Variants in CFAP221 observed in about 807,000 individuals in gnomAD.
CFAP221 encodes the protein cilia- and flagella-associated protein 221.
Under a neutral mutation model 113.1 loss-of-function variants are expected in CFAP221, and 97 were observed. The ratio of observed to expected loss-of-function variants is 0.86; its 90% confidence interval spans 0.73 to 1.02. The LOEUF is 1.02. Ranked by LOEUF, CFAP221 falls within the 50% of genes least tolerant of loss-of-function variation. The probability of loss-of-function intolerance (pLI) is 0.00; values close to 1 mark genes in which losing one functional copy is unlikely to be tolerated. For synonymous variants in CFAP221, 331 were observed against 354.4 expected (o/e 0.93, Z 0.74); for missense variants, 1,025 against 1,013.4 (o/e 1.01, Z -0.16).
rs748498705 is a variant in CFAP221 at position 119,604,862 on chromosome 2, A to G, written c.913-14A>G. The G allele has an allele frequency of 5.0e-6, 8 of 1,613,690 alleles. No individual in the cohort carries two copies. Among genetic ancestry groups the G allele is most frequent in the Non-Finnish European group, 5.9e-6 (7 of 1,179,790 alleles). ...GGCAGACTAACTGATTTCCCTATTG[A>G]TTTGGTCTCTTAGGAAATTGAGTAC... On this transcript the variant is annotated splice_polypyrimidine_tract_variant and intron_variant, in intron 9 of 23. Coordinates refer to ENST00000413369, the MANE Select transcript of CFAP221 (RefSeq NM_001271049.2).
chr2:119,614,921 A>G (rs1326771510), intron 13 of CFAP221, among the ~76,000 whole-genome samples: 2 of 152,314 alleles, frequency 1.3e-5, no homozygotes, highest in South Asian at 4.1e-4. Flanking sequence ...TGGCGCTTCC[A>G]TGGGCCATAT....
chr2:119,605,049 C>A, intron 10 of CFAP221, 62 bp downstream of exon 10: 1 of 1,524,010 alleles, frequency 6.6e-7, no homozygotes, highest in South Asian at 1.1e-5. Context: ...CATTGCTGGT[C>A]ACACTGATTA....
intron 18 of CFAP221, 37 bp from the exon 19 acceptor site, chr2:119,630,730 G>T (rs746020454): frequency 2.5e-6 from 4 of 1,605,124 alleles, no homozygotes; most frequent in Non-Finnish European, 3.4e-6. Context: ...TCTTATCCTG[G>T]CATCAAAACT....
chr2:119,620,920 T>TA lies in CFAP221; in HGVS notation c.1411-4650dup, dbSNP rs1371933684. The stretch of plus-strand genomic sequence containing the variant: ...AATATTTACCCAGCAAATGGAAAGT[T>TA]AAAAAAAAAAAAAGCAGGGGTTGGC... On this transcript the variant is annotated intron_variant, in intron 14 of 23. Transcript: ENST00000413369. Among the ~76,000 whole-genome samples, 138 of 140,306 alleles carry TA rather than the reference T, an allele frequency of 9.8e-4. 1 individual carries two copies. The highest frequency in any genetic ancestry group is 8.2e-4 in the East Asian group (4 of 4,858). 92.0% of individuals were successfully genotyped at this position (140,306 alleles called of 152,430 possible). A position where few individuals can be genotyped will look rare whatever the true frequency, so the allele number is the denominator to read the frequency against.
chr2:119,632,496 A>G lies in CFAP221; in HGVS notation c.1974+1595A>G, dbSNP rs371352257. ...AGAAGGGAACTTCCTCAACCAAATA[A>G]TGGTCATCTATTTAAAACCTAGAGC... On this transcript the variant is annotated intron_variant, in intron 19 of 23. Coordinates refer to ENST00000413369, the MANE Select transcript of CFAP221 (RefSeq NM_001271049.2). Among the ~76,000 whole-genome samples, 16 of 152,272 alleles carry G rather than the reference A, an allele frequency of 1.1e-4. No homozygotes were observed. In the East Asian group the frequency reaches 2.9e-3, roughly 27 times the overall value.
At chr2:119,565,044 A>G (rs538858121) in intron 6 of CFAP221, among the ~76,000 whole-genome samples, 19 of 152,306 alleles carry the variant, frequency 1.2e-4, no homozygotes, top group African/African-American at 3.9e-4. Context: ...GTTGCTAACA[A>G]TGGGAACTAT....
rs200841331 is a variant in CFAP221 at position 119,639,880 on chromosome 2, C to T, written c.2225+8C>T. 12 of 1,610,570 alleles carry T rather than the reference C, an allele frequency of 7.5e-6. No homozygotes were observed. The highest frequency in any genetic ancestry group is 1.3e-5 in the African/African-American group (1 of 74,956). On this transcript the variant is annotated splice_region_variant and intron_variant, in intron 21 of 23. Coordinates refer to ENST00000413369, the MANE Select transcript of CFAP221 (RefSeq NM_001271049.2). ...GATGGAGACCACAAAGAGGTAAGCA[C>T]AGCTCATCTGTTTGCTCACGAGTAT...
intron 6 of CFAP221, among the ~76,000 whole-genome samples, chr2:119,584,370 T>G (rs997858939): frequency 6.6e-6 from 1 of 152,154 alleles, no homozygotes; most frequent in Non-Finnish European, 1.5e-5. Flanking sequence ...GAGGATCACT[T>G]GAGCCCAGGA....
intron 19 of CFAP221, among the ~76,000 whole-genome samples, chr2:119,636,991 C>T (rs1255494485): frequency 6.6e-6 from 1 of 152,172 alleles, no homozygotes; most frequent in East Asian, 1.9e-4. Flanking sequence ...GAAGACACTC[C>T]TGAAGCCCAC....
intron 6 of CFAP221, among the ~76,000 whole-genome samples, chr2:119,586,447 G>C (rs1683228810): frequency 6.6e-6 from 1 of 152,188 alleles, no homozygotes; most frequent in African/African-American, 2.4e-5. Context: ...GGTGCTGTAA[G>C]CAACAGCTTC....
Position 119,546,079 on chromosome 2 carries a change from C to T in CFAP221, c.-47-6C>T. On this transcript the variant is annotated splice_polypyrimidine_tract_variant and splice_region_variant and intron_variant, in intron 1 of 23. Coordinates refer to ENST00000413369, the MANE Select transcript of CFAP221 (RefSeq NM_001271049.2). ...GATGATTATACTGCTGCTCTTTCCT[C>T]CCCAGGACATGACCTTTGGCTCTAA... 6.7e-7 allele frequency: 1 copy of T among 1,490,874 alleles called. No individual in the cohort carries two copies. Among genetic ancestry groups the T allele is most frequent in the Non-Finnish European group, 8.9e-7 (1 of 1,129,422 alleles). The allele number at this position is 1,490,874 out of a possible 1,614,324, so 92.4% of individuals were successfully genotyped here. A position where few individuals can be genotyped will look rare whatever the true frequency, so the allele number is the denominator to read the frequency against.
chr2:119,579,021 G>C (rs1402165108), intron 6 of CFAP221, among the ~76,000 whole-genome samples: 2 of 152,060 alleles, frequency 1.3e-5, no homozygotes, highest in Non-Finnish European at 2.9e-5. Context: ...ATTTCCACAT[G>C]ATTGTAATAT....
chr2:119,584,883 G>T (rs961770306), intron 6 of CFAP221, among the ~76,000 whole-genome samples: 2 of 152,136 alleles, frequency 1.3e-5, no homozygotes, highest in Non-Finnish European at 2.9e-5. Flanking sequence ...TATTTTAGTC[G>T]TATCTAGTAA....
intron 21 of CFAP221, among the ~76,000 whole-genome samples, chr2:119,641,563 C>A (rs934520332): frequency 3.3e-5 from 5 of 152,164 alleles, no homozygotes; most frequent in African/African-American, 1.2e-4. Flanking sequence ...TGAAGCCCTT[C>A]GAGCAATAAT....
chr2:119,582,974 T>G (rs1682952079), intron 6 of CFAP221, among the ~76,000 whole-genome samples: 1 of 152,138 alleles, frequency 6.6e-6, no homozygotes, highest in African/African-American at 2.4e-5. Context: ...TTGTAACAAA[T>G]GAAAACCTAT....
chr2:119,657,448 A>G (rs1469749880), downstream of CFAP221, among the ~76,000 whole-genome samples: 1 of 152,210 alleles, frequency 6.6e-6, no homozygotes, highest in South Asian at 2.1e-4. Context: ...GAGCTCAAAC[A>G]TGAAAGTTGC....
At chr2:119,642,986 T>G (rs10170154) in intron 21 of CFAP221, among the ~76,000 whole-genome samples, 5,920 of 152,022 alleles carry the variant, frequency 0.039, 265 homozygotes, top group African/African-American at 0.11. Context: ...GGATAGGGTC[T>G]TGCTATGTTG....
chr2:119,548,333 G>A (rs1199951521), intron 2 of CFAP221, among the ~76,000 whole-genome samples: 2 of 152,162 alleles, frequency 1.3e-5, no homozygotes, highest in Non-Finnish European at 2.9e-5. Context: ...CATCTGTAAA[G>A]TAGAAATAAT....
intron 19 of CFAP221, chr2:119,631,103 T>C: frequency 8.0e-7 from 1 of 1,242,832 alleles, no homozygotes; most frequent in East Asian, 3.0e-5. Flanking sequence ...TCCTGCATTT[T>C]TAATGAAAAT....
Sources: allele counts gnomAD v4.1 joint callset (sites outside exome capture counted in the v4.1 genomes callset), GRCh38; gene constraint gnomAD v4.1.1; transcripts MANE v1.5; gene names NCBI Gene and HGNC (gene_info 2026-07-23, HGNC 2026-07-21).